The following TENM2 variants were observed in gnomAD, a reference collection of about 807,000 sequenced individuals.
TENM2 encodes the protein teneurin transmembrane protein 2, also known as teneurin-2.
Under a neutral mutation model 245.2 loss-of-function variants are expected in TENM2, and 52 were observed. That is an observed-to-expected ratio of 0.21 (90% CI 0.17 to 0.27). TENM2 has a LOEUF of 0.27. TENM2 is among the 10% of genes least tolerant of loss of function. TENM2 has a pLI of 1.00. For missense variants in TENM2, 3,046 were observed against 3,666.8 expected, an observed-to-expected ratio of 0.83 and a Z score of 4.37; for synonymous variants, 1,363 against 1,438.9, an observed-to-expected ratio of 0.95 and a Z score of 1.19.
chr5:167,241,490 G>C, the TENM2 span, among the ~76,000 whole-genome samples: 316 of 152,320 alleles, frequency 2.1e-3, 2 homozygotes, highest in African/African-American at 7.4e-3. Flanking sequence ...AGGAGGCAGA[G>C]AGGCAGACAG....
chr5:167,628,564 G>C (rs1182485272), intron 2 of TENM2, among the ~76,000 whole-genome samples: 1 of 152,010 alleles, frequency 6.6e-6, no homozygotes, highest in Non-Finnish European at 1.5e-5. Flanking sequence ...TTTCTCTCCT[G>C]TCATAGCCAC....
intron 7 of TENM2, among the ~76,000 whole-genome samples, chr5:168,074,214 A>G (rs1338246385): frequency 1.3e-5 from 2 of 152,052 alleles, no homozygotes; most frequent in Admixed American, 6.6e-5. Context: ...CCCCCCTCCC[A>G]TACCAGAGAC....
chr5:167,353,335 G>A (rs1294933984), intron 1 of TENM2, among the ~76,000 whole-genome samples: 1 of 146,170 alleles, frequency 6.8e-6, no homozygotes, highest in Non-Finnish European at 1.5e-5. Flanking sequence ...GGGGGTGGTG[G>A]GGGTGCAGAA....
At chr5:168,070,809 GAGAGAGAGAGAA>G (rs1307413124) in intron 7 of TENM2, among the ~76,000 whole-genome samples, 1 of 133,686 alleles carries the variant, frequency 7.5e-6, no homozygotes, top group African/African-American at 2.7e-5. Flanking sequence ...GAGAGAGAGA[GAGAGAGAGAGAA>G]AAAAAGAAAG....
intron 3 of TENM2, among the ~76,000 whole-genome samples, chr5:167,914,702 C>T (rs7719459): frequency 0.024 from 3,667 of 152,262 alleles, 154 homozygotes; most frequent in African/African-American, 0.082. Flanking sequence ...CAGGGCCATG[C>T]TCCCTGAGCC....
intron 4 of TENM2, among the ~76,000 whole-genome samples, chr5:167,955,477 T>A (rs923140389): frequency 2.0e-5 from 3 of 152,214 alleles, no homozygotes; most frequent in Non-Finnish European, 1.5e-5. Context: ...TTTAATTAGA[T>A]TCCATTTGTC....
At chr5:167,810,391 C>T (rs1766546929) in intron 2 of TENM2, among the ~76,000 whole-genome samples, 1 of 151,946 alleles carries the variant, frequency 6.6e-6, no homozygotes, top group African/African-American at 2.4e-5. Flanking sequence ...CTGTTTGGGT[C>T]CTTTTATTTC....
chr5:167,798,385 A>G (rs1193747843), intron 2 of TENM2, among the ~76,000 whole-genome samples: 1 of 152,256 alleles, frequency 6.6e-6, no homozygotes, highest in Admixed American at 6.5e-5. Flanking sequence ...CAATCAGCCC[A>G]CAGCAGAGAG....
At chr5:167,377,518 T>G (rs1198377662) in intron 2 of TENM2, among the ~76,000 whole-genome samples, 1 of 152,186 alleles carries the variant, frequency 6.6e-6, no homozygotes, top group Non-Finnish European at 1.5e-5. Context: ...TTTTAAAACA[T>G]TTTTTCAATA....
chr5:167,379,024 A>C (rs7726117), intron 2 of TENM2, among the ~76,000 whole-genome samples: 54,928 of 152,028 alleles, frequency 0.36, 11,005 homozygotes, highest in African/African-American at 0.56. Context: ...TTGGTTAAAC[A>C]TTTAAGAAAA....
At chr5:167,215,897 C>T in the TENM2 span, among the ~76,000 whole-genome samples, 7 of 152,036 alleles carry the variant, frequency 4.6e-5, no homozygotes, top group Admixed American at 4.6e-4. Flanking sequence ...TTTTAAACAG[C>T]ATTATTGATG....
intron 2 of TENM2, among the ~76,000 whole-genome samples, chr5:167,810,054 C>T (rs115605472): frequency 6.6e-6 from 1 of 152,010 alleles, no homozygotes; most frequent in Non-Finnish European, 1.5e-5. Flanking sequence ...TCTTATTAGT[C>T]CCTCTTATTA....
chr5:168,123,414 G>A (rs1418802262), intron 10 of TENM2, among the ~76,000 whole-genome samples: 1 of 152,192 alleles, frequency 6.6e-6, no homozygotes, highest in Non-Finnish European at 1.5e-5. Context: ...AGACCCTGAG[G>A]AATTATCATC....
chr5:167,651,527 G>T (rs1465103496), intron 2 of TENM2, among the ~76,000 whole-genome samples: 1 of 139,872 alleles, frequency 7.1e-6, no homozygotes, highest in Non-Finnish European at 1.5e-5. Flanking sequence ...ATGCTATTTT[G>T]TACCTGTAGT....
At chr5:167,036,703 C>T in the TENM2 span, among the ~76,000 whole-genome samples, 5 of 152,188 alleles carry the variant, frequency 3.3e-5, no homozygotes, top group South Asian at 2.1e-4. Context: ...AACCAAATGA[C>T]GTTGGTGTTT....
chr5:167,685,599 C>G (rs932086329), intron 2 of TENM2, among the ~76,000 whole-genome samples: 1 of 152,142 alleles, frequency 6.6e-6, no homozygotes, highest in Non-Finnish European at 1.5e-5. Flanking sequence ...CTGTCTTGCA[C>G]TTAGGAGTGT....
intron 4 of TENM2, among the ~76,000 whole-genome samples, chr5:167,966,129 C>T (rs992867866): frequency 1.3e-5 from 2 of 152,172 alleles, no homozygotes; most frequent in Non-Finnish European, 1.5e-5. Flanking sequence ...GAATTGGTGG[C>T]AACCCGGATG....
At chr5:167,589,776 C>A (rs1252188054) in intron 2 of TENM2, among the ~76,000 whole-genome samples, 2 of 151,862 alleles carry the variant, frequency 1.3e-5, no homozygotes, top group Non-Finnish European at 2.9e-5. Flanking sequence ...TTAAATAGCA[C>A]TCAAAAACTT....
At chr5:167,929,725 T>A (rs1414452798) in intron 3 of TENM2, among the ~76,000 whole-genome samples, 1 of 152,208 alleles carries the variant, frequency 6.6e-6, no homozygotes. Context: ...CTAAGAGATG[T>A]TCCTCAGTGA....
Sources: gnomAD v4.1 joint callset for allele counts (sites outside exome capture counted in the v4.1 genomes callset) on GRCh38, gnomAD v4.1.1 for gene constraint, MANE v1.5 for transcripts, NCBI Gene and HGNC (gene_info 2026-07-23, HGNC 2026-07-21) for gene names.